RGS17: variants seen among roughly 807,000 people sequenced by gnomAD.
RGS17 encodes regulator of G-protein signaling 17.
RGS17 carries 12 observed loss-of-function variants against 25.5 expected under a neutral mutation model. The observed-to-expected ratio is 0.47, with a 90% confidence interval of 0.30 to 0.76. The LOEUF (loss-of-function observed/expected upper bound fraction) is 0.76. RGS17 is among the 30% of genes least tolerant of loss of function. The probability of loss-of-function intolerance (pLI) is 0.07; values close to 1 mark genes in which losing one functional copy is unlikely to be tolerated. For missense variants in RGS17, 196 were observed against 242.2 expected (o/e 0.81, Z 1.27); for synonymous variants, 71 against 76.9 (o/e 0.92, Z 0.40).
intron 1 of RGS17, among the ~76,000 whole-genome samples, chr6:153,115,508 T>C (rs1243685891): frequency 1.3e-5 from 2 of 152,192 alleles, no homozygotes; most frequent in South Asian, 4.1e-4. Context: ...CCCAAAGTAA[T>C]TTATAGATTC....
Position 153,087,398 on chromosome 6 carries a change from C to T in RGS17, c.-25-43355G>A, listed in dbSNP as rs200173400. ...TAATGCTTAATGTTTGACTATCTAT[C>T]GAAAGCTATCTATCGAATCTATATC... On this transcript the variant is annotated intron_variant, in intron 1 of 4. Coordinates refer to ENST00000206262, the MANE Select transcript of RGS17 (RefSeq NM_012419.5). 3.3e-5 allele frequency among the ~76,000 whole-genome samples: 5 copies of T among 152,254 alleles called. No homozygotes were observed. The East Asian group carries it at 5.8e-4, about 18-fold the overall frequency.
At chr6:153,095,328 T>C (rs1258173662) in intron 1 of RGS17, among the ~76,000 whole-genome samples, 2 of 152,110 alleles carry the variant, frequency 1.3e-5, no homozygotes, top group Non-Finnish European at 2.9e-5. Flanking sequence ...AGATATTTTT[T>C]TAAAACTGAA....
intron 1 of RGS17, among the ~76,000 whole-genome samples, chr6:153,103,865 T>C (rs1425300122): frequency 1.3e-5 from 2 of 152,210 alleles, no homozygotes; most frequent in African/African-American, 4.8e-5. Context: ...ATCTTAAAAT[T>C]GTCAGAGTGA....
chr6:153,014,660 T>C (rs1265691451), intron 4 of RGS17, among the ~76,000 whole-genome samples: 2 of 151,662 alleles, frequency 1.3e-5, no homozygotes, highest in Non-Finnish European at 2.9e-5. Context: ...TAGCCAGGTG[T>C]GGTGGTGGGT....
At chr6:153,100,045 A>G (rs909291554) in intron 1 of RGS17, among the ~76,000 whole-genome samples, 5 of 152,206 alleles carry the variant, frequency 3.3e-5, no homozygotes, top group Non-Finnish European at 7.3e-5. Flanking sequence ...TACACTTTCA[A>G]TTTGGCAATA....
intron 4 of RGS17, among the ~76,000 whole-genome samples, chr6:153,024,007 G>C (rs187333138): frequency 6.6e-6 from 1 of 152,190 alleles, no homozygotes. Flanking sequence ...TGTTTAAGCA[G>C]GCTCCTTAGT....
intron 1 of RGS17, among the ~76,000 whole-genome samples, chr6:153,097,009 T>C (rs531180441): frequency 7.2e-5 from 11 of 152,264 alleles, no homozygotes; most frequent in Non-Finnish European, 1.0e-4. Context: ...TTGCAACTTG[T>C]TGGCTTGCAA....
intron 1 of RGS17, among the ~76,000 whole-genome samples, chr6:153,090,712 C>T (rs1010188503): frequency 1.3e-5 from 2 of 152,132 alleles, no homozygotes; most frequent in African/African-American, 2.4e-5. Context: ...TTAAGTCTCA[C>T]GCTGTCTCCA....
At chr6:153,125,363 A>G (rs1174628147) in intron 1 of RGS17, among the ~76,000 whole-genome samples, 1 of 152,282 alleles carries the variant, frequency 6.6e-6, no homozygotes, top group African/African-American at 2.4e-5. Flanking sequence ...ATGCTAGAAT[A>G]CTAAGTATAA....
intron 1 of RGS17, among the ~76,000 whole-genome samples, chr6:153,055,950 A>C (rs1768902857): frequency 6.6e-6 from 1 of 152,202 alleles, no homozygotes; most frequent in Admixed American, 6.5e-5. Flanking sequence ...ATACAATGTA[A>C]AAAGGATAAA....
intron 1 of RGS17, among the ~76,000 whole-genome samples, chr6:153,078,949 C>A (rs1397398242): frequency 4.0e-5 from 6 of 151,874 alleles, no homozygotes; most frequent in African/African-American, 1.5e-4. Flanking sequence ...AAAAAATCCT[C>A]AGGATATCCT....
At chr6:153,083,664 G>C (rs1308748734) in intron 1 of RGS17, among the ~76,000 whole-genome samples, 2 of 152,134 alleles carry the variant, frequency 1.3e-5, no homozygotes, top group African/African-American at 4.8e-5. Flanking sequence ...CCACTTTATG[G>C]CTTGGATCTT....
In RGS17 at chr6:153,054,030, T is replaced by C. The variant is rs865955601; in HGVS notation, c.-25-9987A>G. Among the ~76,000 whole-genome samples the C allele has an allele frequency of 1.4e-3, 72 of 52,518 alleles. 7 individuals are homozygous for C. In the South Asian group the frequency reaches 0.015, roughly 11 times the overall value. The allele number at this position is 52,518 out of a possible 152,430, so 34.5% of individuals were successfully genotyped here. On this transcript the variant is annotated intron_variant, in intron 1 of 4. Transcript: ENST00000206262. Reference sequence around the variant, plus strand: ...TATACGTATATATGTATATAATATATATACATATATATGTATATATGTATA... The same window carrying C: ...TATACGTATATATGTATATAATATACATACATATATATGTATATATGTATA...
chr6:153,094,914 T>TTAC (rs10641319), intron 1 of RGS17, among the ~76,000 whole-genome samples: 137,047 of 151,938 alleles, frequency 0.9, 61,895 homozygotes, highest in East Asian at 0.97. Context: ...CTTTTTATAA[T>TTAC]TACATTCACA....
At chr6:153,035,137 G>A (rs1776222284) in intron 2 of RGS17, among the ~76,000 whole-genome samples, 1 of 128,238 alleles carries the variant, frequency 7.8e-6, no homozygotes, top group Non-Finnish European at 1.6e-5. Context: ...CTGGGTGACA[G>A]AGCAAGACTC....
intron 1 of RGS17, among the ~76,000 whole-genome samples, chr6:153,076,047 C>A (rs1158755185): frequency 6.6e-6 from 1 of 152,066 alleles, no homozygotes; most frequent in East Asian, 1.9e-4. Context: ...GTATTTAATG[C>A]TCAAAATTTT....
At chr6:153,020,366 G>A (rs1779236555) in intron 4 of RGS17, among the ~76,000 whole-genome samples, 1 of 150,948 alleles carries the variant, frequency 6.6e-6, no homozygotes, top group African/African-American at 2.4e-5. Context: ...TGTTGGCCAG[G>A]CTGGTCTCGA....
chr6:153,092,757 G>T (rs939229876), intron 1 of RGS17, among the ~76,000 whole-genome samples: 1 of 152,214 alleles, frequency 6.6e-6, no homozygotes, highest in Non-Finnish European at 1.5e-5. Context: ...AACAGTGTCT[G>T]ATGACTCATA....
rs1779051749 is a variant in RGS17 at position 153,004,489 on chromosome 6, C to T, written c.*7085G>A. 6.6e-6 allele frequency: 1 copy of T among 152,076 alleles called. No homozygotes were observed. The highest frequency in any genetic ancestry group is 1.5e-5 in the Non-Finnish European group (1 of 67,990). The allele number at this position is 152,076 out of a possible 1,614,324, so 9.4% of individuals were successfully genotyped here. ...TGTTGAATTCTTTATTAATTCAAAA[C>T]ATTTTAAGAAAGTCAGTGTAATGCA... is the stretch of plus-strand genomic sequence containing the variant. On this transcript the variant is annotated 3_prime_UTR_variant, in exon 5 of 5. Coordinates refer to ENST00000206262, the MANE Select transcript of RGS17 (RefSeq NM_012419.5).
Sources: gnomAD v4.1 joint callset for allele counts (sites outside exome capture counted in the v4.1 genomes callset) on GRCh38, gnomAD v4.1.1 for gene constraint, MANE v1.5 for transcripts, NCBI Gene and HGNC (gene_info 2026-07-23, HGNC 2026-07-21) for gene names.